The following TBC1D1 variants were observed in gnomAD, a reference collection of about 807,000 sequenced individuals.
TBC1D1 encodes the protein TBC1 (tre-2/USP6, BUB2, cdc16) domain family, member 1.
In TBC1D1, 89 loss-of-function variants were observed where a neutral mutation model predicts 125.6. That is an observed-to-expected ratio of 0.71 (90% CI 0.60 to 0.85). TBC1D1 has a LOEUF of 0.85. Among genes scored for constraint, TBC1D1 ranks in the 40% least tolerant of loss-of-function variants. The pLI, the probability that TBC1D1 is intolerant of heterozygous loss-of-function variation, is 0.00. For missense variants in TBC1D1, 1,377 were observed against 1,469.2 expected (o/e 0.94, Z 1.03); for synonymous variants, 565 against 564.1 (o/e 1.00, Z -0.02).
At chr4:38,102,184 T>G (rs983086532) in intron 14 of TBC1D1, among the ~76,000 whole-genome samples, 11 of 151,864 alleles carry the variant, frequency 7.2e-5, no homozygotes, top group East Asian at 5.8e-4. Context: ...CATGGCACAC[T>G]TATACATATG....
chr4:38,013,352 C>A (rs1180110724), intron 2 of TBC1D1, among the ~76,000 whole-genome samples: 3 of 152,098 alleles, frequency 2.0e-5, no homozygotes, highest in African/African-American at 7.2e-5. Flanking sequence ...ACCTCCTTTA[C>A]TGTATGTGTT....
At chr4:37,904,833 G>A (rs1716953922) in intron 2 of TBC1D1, among the ~76,000 whole-genome samples, 2 of 152,164 alleles carry the variant, frequency 1.3e-5, no homozygotes, top group African/African-American at 2.4e-5. Flanking sequence ...AATCACACTG[G>A]CCATGATGCT....
Position 38,138,119 on chromosome 4 carries a change from G to A in TBC1D1, c.*784G>A, listed in dbSNP as rs1169449191. 1.3e-5 allele frequency: 2 copies of A among 151,712 alleles called. No homozygotes were observed. The highest frequency in any genetic ancestry group is 4.9e-5 in the African/African-American group (2 of 41,098). The allele number at this position is 151,712 out of a possible 1,614,324, so 9.4% of individuals were successfully genotyped here. A position where few individuals can be genotyped will look rare whatever the true frequency, so the allele number is the denominator to read the frequency against. On this transcript the variant is annotated 3_prime_UTR_variant, in exon 20 of 20. Transcript: ENST00000261439. ...TGGATCTCTCTCTTTGGTATTTAAG[G>A]AAGTTTGTCTTTAAAAAAAAAATAG...
chr4:38,066,168 T>C (rs1429951287), intron 12 of TBC1D1, among the ~76,000 whole-genome samples: 1 of 152,152 alleles, frequency 6.6e-6, no homozygotes, highest in Non-Finnish European at 1.5e-5. Context: ...AGTAATGGGC[T>C]GTGTTAGTGT....
chr4:38,102,909 G>A (rs1374271137), intron 14 of TBC1D1, 90 bp from the exon 17 acceptor site: 1 of 1,328,302 alleles, frequency 7.5e-7, no homozygotes, highest in East Asian at 2.5e-5. Flanking sequence ...ACAAGAATTT[G>A]GATAAATGGA....
chr4:37,901,555 A>T (rs1716000423), intron 1 of TBC1D1, among the ~76,000 whole-genome samples: 1 of 152,238 alleles, frequency 6.6e-6, no homozygotes, highest in Admixed American at 6.5e-5. Context: ...TGTTTGCAAC[A>T]TAATAGGCAC....
At chr4:37,969,535 G>T (rs1053722640) in intron 2 of TBC1D1, among the ~76,000 whole-genome samples, 2 of 152,146 alleles carry the variant, frequency 1.3e-5, no homozygotes, top group Admixed American at 1.3e-4. Context: ...TGGTGGAGAT[G>T]GGGTTTCACC....
chr4:38,034,973 C>A (rs974930836), intron 7 of TBC1D1, among the ~76,000 whole-genome samples: 1 of 152,218 alleles, frequency 6.6e-6, no homozygotes, highest in East Asian at 1.9e-4. Flanking sequence ...TGGCTTCACA[C>A]TTCTCGGCAG....
chr4:37,900,674 A>G (rs1715775254), intron 1 of TBC1D1, among the ~76,000 whole-genome samples: 1 of 152,192 alleles, frequency 6.6e-6, no homozygotes, highest in South Asian at 2.1e-4. Flanking sequence ...GCAAGTGAGT[A>G]AAGAATAGGG....
intron 1 of TBC1D1, among the ~76,000 whole-genome samples, chr4:37,900,185 C>T (rs540807393): frequency 7.8e-4 from 117 of 150,878 alleles, no homozygotes; most frequent in Non-Finnish European, 1.4e-3. Context: ...TTCGTCAGAG[C>T]AAACAAGGCA....
chr4:37,929,422 C>G (rs1198573261), intron 2 of TBC1D1, among the ~76,000 whole-genome samples: 1 of 152,220 alleles, frequency 6.6e-6, no homozygotes, highest in Non-Finnish European at 1.5e-5. Context: ...AACCGCTGTA[C>G]TCCCCATGGG....
intron 13 of TBC1D1, among the ~76,000 whole-genome samples, chr4:38,091,117 G>A (rs569222446): frequency 1.2e-4 from 18 of 152,320 alleles, no homozygotes; most frequent in African/African-American, 3.8e-4. Context: ...CACTGTGTAC[G>A]AGCAACATAG....
At chr4:38,044,618 T>G (rs2152470795) in intron 9 of TBC1D1, 128 bp downstream of exon 9, 2 of 1,008,134 alleles carry the variant, frequency 2.0e-6, no homozygotes, top group Middle Eastern at 5.6e-4. Flanking sequence ...TTTTATGTTT[T>G]CTCAGGCTTA....
At chr4:38,058,051 C>T (rs1452577301) in intron 12 of TBC1D1, among the ~76,000 whole-genome samples, 5 of 152,222 alleles carry the variant, frequency 3.3e-5, no homozygotes, top group African/African-American at 1.2e-4. Context: ...GTTGGCCAGA[C>T]ACCAACACTG....
chr4:38,039,033 C>CA (rs1001703506), intron 8 of TBC1D1, among the ~76,000 whole-genome samples: 1 of 149,720 alleles, frequency 6.7e-6, no homozygotes, highest in Non-Finnish European at 1.5e-5. Flanking sequence ...CCCAGGTAAC[C>CA]ACTGTTTTGA....
In TBC1D1 at chr4:38,115,696, T is replaced by C. The variant is rs746943056; in HGVS notation, c.2558-14T>C. ...TGTTTTTATTATTACAACTAATATG[T>C]ATTCTTTTCACAGGGCGAACCTTTC... On this transcript the variant is annotated splice_polypyrimidine_tract_variant and intron_variant, in intron 15 of 19. Coordinates refer to ENST00000261439, the MANE Select transcript of TBC1D1 (RefSeq NM_015173.4). 6.2e-7 allele frequency: 1 copy of C among 1,607,266 alleles called. No individual in the cohort carries two copies. The highest frequency in any genetic ancestry group is 8.5e-7 in the Non-Finnish European group (1 of 1,176,566).
At chr4:38,022,184 TG>T (rs144114988) in intron 6 of TBC1D1, among the ~76,000 whole-genome samples, 5,037 of 152,132 alleles carry the variant, frequency 0.033, 218 homozygotes, top group African/African-American at 0.098. Context: ...GAGGAGCAAA[TG>T]GGAAGAAATC....
At chr4:38,021,416 T>C (rs1013771361) in intron 5 of TBC1D1, among the ~76,000 whole-genome samples, 170 bp from the exon 6 acceptor site, 4 of 152,268 alleles carry the variant, frequency 2.6e-5, no homozygotes, top group Non-Finnish European at 5.9e-5. Flanking sequence ...TGTAGTATTT[T>C]CAGACTGTAA....
chr4:37,917,013 C>T (rs1003881132), intron 2 of TBC1D1, among the ~76,000 whole-genome samples: 1 of 151,116 alleles, frequency 6.6e-6, no homozygotes, highest in Non-Finnish European at 1.5e-5. Flanking sequence ...TCAAGTGATT[C>T]GCCTGCCTCA....
Sources: gnomAD v4.1 joint callset for allele counts (sites outside exome capture counted in the v4.1 genomes callset) on GRCh38, gnomAD v4.1.1 for gene constraint, MANE v1.5 for transcripts, NCBI Gene and HGNC (gene_info 2026-07-23, HGNC 2026-07-21) for gene names.